Variants in RTCB observed in about 807,000 individuals in gnomAD.
RTCB encodes RNA-splicing ligase RTCB.
Under a neutral mutation model 58.2 loss-of-function variants are expected in RTCB, and 32 were observed. The ratio of observed to expected loss-of-function variants is 0.55; its 90% CI spans 0.41 to 0.74. The LOEUF (loss-of-function observed/expected upper bound fraction) is 0.74, where lower values mean the gene tolerates loss of function less well. Among genes scored for constraint, RTCB ranks in the 30% least tolerant of loss-of-function variants. The probability of loss-of-function intolerance (pLI) is 0.00; values close to 1 mark genes in which losing one functional copy is unlikely to be tolerated. For missense variants in RTCB, 523 were observed against 639.0 expected (o/e 0.82, Z 1.96); for synonymous variants, 247 against 218.6 (o/e 1.13, Z -1.15).
At chr22:32,388,680 C>T (rs1343751554) in intron 11 of RTCB, among the ~76,000 whole-genome samples, 2 of 152,194 alleles carry the variant, frequency 1.3e-5, no homozygotes, top group African/African-American at 2.4e-5. Flanking sequence ...CCTACCCACA[C>T]AGCCTTGCCA....
intron 4 of RTCB, among the ~76,000 whole-genome samples, chr22:32,403,221 G>A (rs1048411320): frequency 4.6e-5 from 7 of 151,926 alleles, no homozygotes; most frequent in African/African-American, 9.7e-5. Flanking sequence ...CCTGGCTAAC[G>A]CAGTGAAACC....
chr22:32,405,468 A>G (rs1933403952), intron 4 of RTCB, among the ~76,000 whole-genome samples: 1 of 152,192 alleles, frequency 6.6e-6, no homozygotes, highest in South Asian at 2.1e-4. Flanking sequence ...CTGTACTACA[A>G]TGCAAGTGCA....
At chr22:32,394,158 C>G (rs1270753041) in intron 9 of RTCB, among the ~76,000 whole-genome samples, 156 bp from the exon 10 acceptor site, 1 of 149,554 alleles carries the variant, frequency 6.7e-6, no homozygotes, top group Non-Finnish European at 1.5e-5. Context: ...GTCGCCCAGG[C>G]TGGAGTGCAG....
chr22:32,395,357 T>G, intron 8 of RTCB, 143 bp from the exon 9 acceptor site: 1 of 662,160 alleles, frequency 1.5e-6, no homozygotes, highest in Non-Finnish European at 2.5e-6. Flanking sequence ...TAAGATTATC[T>G]TCACGTAAAG....
At chr22:32,393,845 A>G in intron 10 of RTCB, 47 bp downstream of exon 10, 7 of 1,313,148 alleles carry the variant, frequency 5.3e-6, no homozygotes, top group Non-Finnish European at 7.7e-6. Context: ...GGAAAACCAT[A>G]GCTAAACTGA....
At chr22:32,393,819 A>AT (rs1017973595) in intron 10 of RTCB, 73 bp downstream of exon 10, 47 of 1,040,826 alleles carry the variant, frequency 4.5e-5, no homozygotes, top group Non-Finnish European at 7.1e-5. Flanking sequence ...AATCAGCTAC[A>AT]TTTACCAGTC....
chr22:32,401,066 T>C (rs1933327612), intron 5 of RTCB, among the ~76,000 whole-genome samples: 1 of 151,890 alleles, frequency 6.6e-6, no homozygotes, highest in Admixed American at 6.6e-5. Flanking sequence ...GATCTTTGGT[T>C]TGAATCCTGA....
intron 11 of RTCB, among the ~76,000 whole-genome samples, chr22:32,390,299 C>A (rs73881675): frequency 0.035 from 5,262 of 152,198 alleles, 284 homozygotes; most frequent in African/African-American, 0.12. Flanking sequence ...ATGGTTAGTA[C>A]GTGTTAGCTG....
chr22:32,406,446 CCAAGTAG>C (rs1933421976), intron 4 of RTCB, among the ~76,000 whole-genome samples: 1 of 152,044 alleles, frequency 6.6e-6, no homozygotes, highest in Non-Finnish European at 1.5e-5. Context: ...CCTCAGCCTC[CCAAGTAG>C]CTGGGAGTAC....
chr22:32,411,553 T>C (rs1257031488), intron 1 of RTCB, among the ~76,000 whole-genome samples: 1 of 152,214 alleles, frequency 6.6e-6, no homozygotes, highest in Non-Finnish European at 1.5e-5. Context: ...TGCCCTGCGC[T>C]ACTGCAAGAA....
At chr22:32,392,138 C>A in intron 11 of RTCB, 102 bp downstream of exon 11, 7 of 1,277,022 alleles carry the variant, frequency 5.5e-6, no homozygotes, top group East Asian at 4.9e-5. Flanking sequence ...ATAACCCAAA[C>A]AATTTCTGTT....
chr22:32,391,005 T>G (rs953190513), intron 11 of RTCB, among the ~76,000 whole-genome samples: 4 of 152,186 alleles, frequency 2.6e-5, no homozygotes, highest in Admixed American at 2.6e-4. Context: ...TGGCTAATCT[T>G]TGGCCAAACT....
At chr22:32,404,250 T>C (rs1330707472) in intron 4 of RTCB, among the ~76,000 whole-genome samples, 1 of 152,252 alleles carries the variant, frequency 6.6e-6, no homozygotes, top group Non-Finnish European at 1.5e-5. Flanking sequence ...TTTACCATAA[T>C]GGCTGTGCCA....
chr22:32,397,595 T>C (rs1933267648), intron 7 of RTCB, among the ~76,000 whole-genome samples: 1 of 152,204 alleles, frequency 6.6e-6, no homozygotes, highest in Admixed American at 6.5e-5. Flanking sequence ...TGAAAGCCTA[T>C]TTCATAAATT....
chr22:32,394,313 A>G (rs563007516), intron 9 of RTCB, among the ~76,000 whole-genome samples: 149 of 151,916 alleles, frequency 9.8e-4, no homozygotes, highest in Middle Eastern at 3.4e-3. Context: ...GAGTTTCACC[A>G]TGTTAGCCAG....
intron 11 of RTCB, among the ~76,000 whole-genome samples, chr22:32,390,079 TCACTG>T (rs1933126923): frequency 6.6e-6 from 1 of 152,222 alleles, no homozygotes; most frequent in Admixed American, 6.5e-5. Context: ...TACTGTCACC[TCACTG>T]AAGTCTTCTC....
chr22:32,403,275 C>T (rs1933367372), intron 4 of RTCB, among the ~76,000 whole-genome samples: 1 of 152,002 alleles, frequency 6.6e-6, no homozygotes. Context: ...GGTATGGTGG[C>T]GGGTGCCTGT....
intron 10 of RTCB, 40 bp downstream of exon 10, chr22:32,393,852 C>G (rs894367926): frequency 1.4e-6 from 2 of 1,383,032 alleles, no homozygotes; most frequent in Admixed American, 1.7e-5. Flanking sequence ...CATAGCTAAA[C>G]TGAAGAGAGC....
intron 6 of RTCB, among the ~76,000 whole-genome samples, chr22:32,398,855 A>G (rs775360534): frequency 6.6e-6 from 1 of 152,216 alleles, no homozygotes; most frequent in Non-Finnish European, 1.5e-5. Context: ...GATTTAGAGA[A>G]CTAGAGAATG....
Sources: allele counts gnomAD v4.1 joint callset (sites outside exome capture counted in the v4.1 genomes callset), GRCh38; gene constraint gnomAD v4.1.1; transcripts MANE v1.5; gene names NCBI Gene and HGNC (gene_info 2026-07-23, HGNC 2026-07-21).